CTIF: variants seen among roughly 807,000 people sequenced by gnomAD.
The protein encoded by CTIF is CBP80/20-dependent translation initiation factor.
In CTIF, 21 loss-of-function variants were observed where a neutral mutation model predicts 66.0. The ratio of observed to expected loss-of-function variants is 0.32; its 90% CI spans 0.23 to 0.46. CTIF has a LOEUF of 0.46. Ranked by LOEUF, CTIF falls within the 20% of genes least tolerant of loss-of-function variation. The pLI, the probability that CTIF is intolerant of heterozygous loss-of-function variation, is 1.00. For missense variants in CTIF, 739 were observed against 812.7 expected (o/e 0.91, Z 1.10); for synonymous variants, 345 against 326.4 (o/e 1.06, Z -0.62).
chr18:48,561,729 C>T (rs532100021), intron 1 of CTIF, among the ~76,000 whole-genome samples: 1 of 152,202 alleles, frequency 6.6e-6, no homozygotes, highest in Non-Finnish European at 1.5e-5. Flanking sequence ...TTGACTACTT[C>T]TCTTTTCCTT....
chr18:48,653,024 AC>A (rs569725713), intron 3 of CTIF, among the ~76,000 whole-genome samples: 169 of 152,350 alleles, frequency 1.1e-3, no homozygotes, highest in Non-Finnish European at 2.0e-3. Flanking sequence ...CCAATATCAT[AC>A]TGAATGGGCA....
intron 7 of CTIF, among the ~76,000 whole-genome samples, chr18:48,724,760 A>G (rs1367252196): frequency 6.6e-6 from 1 of 152,192 alleles, no homozygotes; most frequent in East Asian, 1.9e-4. Flanking sequence ...CATCCAGCAC[A>G]CACATTCATT....
chr18:48,649,433 A>G (rs868126096), intron 3 of CTIF, among the ~76,000 whole-genome samples: 1 of 152,348 alleles, frequency 6.6e-6, no homozygotes, highest in South Asian at 2.1e-4. Context: ...TTGAGTAGGT[A>G]AACAGAGCAG....
rs532932769 is a variant in CTIF at position 48,773,535 on chromosome 18, G to A, written c.1371+11846G>A. 7.9e-5 allele frequency among the ~76,000 whole-genome samples: 12 copies of A among 152,366 alleles called. No individual in the cohort carries two copies. The East Asian group carries it at 1.3e-3, about 17-fold the overall frequency. On this transcript the variant is annotated intron_variant, in intron 9 of 11. Coordinates refer to ENST00000256413, the MANE Select transcript of CTIF (RefSeq NM_014772.3). ...CCATGGGGAACTGTGCTCCCCTAGC[G>A]CTGGTCCCCTTCCTTCAGTAAGTGC...
chr18:48,738,211 T>A (rs975053421), intron 7 of CTIF, among the ~76,000 whole-genome samples: 1 of 152,152 alleles, frequency 6.6e-6, no homozygotes, highest in Non-Finnish European at 1.5e-5. Context: ...TCAAAGCAGA[T>A]CCAGGATCTC....
At chr18:48,565,078 T>C (rs2089249437) in intron 1 of CTIF, 1 of 144,822 alleles carries the variant, frequency 6.9e-6, no homozygotes, top group Admixed American at 7.1e-5. Context: ...GGTTGATCCA[T>C]GGTCATGTTA....
intron 10 of CTIF, among the ~76,000 whole-genome samples, chr18:48,834,294 A>C (rs2068761522): frequency 6.6e-6 from 1 of 152,260 alleles, no homozygotes; most frequent in Non-Finnish European, 1.5e-5. Context: ...ACTGTGTGCC[A>C]ACGAAACCTT....
chr18:48,659,184 T>C (rs1258367774), intron 3 of CTIF, among the ~76,000 whole-genome samples: 4 of 152,102 alleles, frequency 2.6e-5, no homozygotes, highest in Non-Finnish European at 5.9e-5. Context: ...ATTCTTGATA[T>C]GCACTGCAGT....
At chr18:48,714,965 T>C (rs1459558044) in intron 7 of CTIF, among the ~76,000 whole-genome samples, 1 of 152,178 alleles carries the variant, frequency 6.6e-6, no homozygotes, top group Non-Finnish European at 1.5e-5. Context: ...AGGAAGGCTT[T>C]CAAGGTAAGT....
rs978237357 is a variant in CTIF, at chr18:48,862,052, A to ATTT, written c.*2501_*2503dup. On this transcript the variant is annotated 3_prime_UTR_variant, in exon 12 of 12. Transcript: ENST00000256413. ...GATATGGAAGGAAAACGTTAAGACT[A>ATTT]TTTTTTTTTTAAAGAAACAACAGTC... The ATTT allele has an allele frequency of 6.7e-6, 1 of 148,462 alleles. No individual in the cohort carries two copies. The highest frequency in any genetic ancestry group is 1.5e-5 in the Non-Finnish European group (1 of 67,032). 9.2% of individuals were successfully genotyped at this position (148,462 alleles called of 1,614,324 possible).
At chr18:48,679,663 C>G (rs1210846921) in intron 6 of CTIF, among the ~76,000 whole-genome samples, 1 of 152,234 alleles carries the variant, frequency 6.6e-6, no homozygotes, top group Admixed American at 6.5e-5. Context: ...AATCTTCCCC[C>G]TCTTTCATGG....
chr18:48,709,551 G>A (rs566868270), intron 6 of CTIF, among the ~76,000 whole-genome samples: 7 of 152,364 alleles, frequency 4.6e-5, no homozygotes, highest in South Asian at 2.1e-4. Flanking sequence ...CCTCAGAGCC[G>A]AGATCCTAGT....
In CTIF at chr18:48,595,094, A is replaced by C. The variant is rs191367566; in HGVS notation, c.-28-24444A>C. Among the ~76,000 whole-genome samples the C allele has an allele frequency of 3.9e-5, 6 of 152,362 alleles. No individual in the cohort carries two copies. In the East Asian group the frequency reaches 1.2e-3, roughly 29 times the overall value. ...AGCATCAAGTCACAATGAACAAAAGAATCAGCACTAAGCAGGCATGAGGAA... is the reference window on the plus strand; with the variant it reads ...AGCATCAAGTCACAATGAACAAAAGCATCAGCACTAAGCAGGCATGAGGAA... On this transcript the variant is annotated intron_variant, in intron 1 of 11. Coordinates refer to ENST00000256413, the MANE Select transcript of CTIF (RefSeq NM_014772.3).
intron 6 of CTIF, among the ~76,000 whole-genome samples, chr18:48,705,006 C>T (rs889583194): frequency 6.6e-6 from 1 of 152,204 alleles, no homozygotes; most frequent in Non-Finnish European, 1.5e-5. Flanking sequence ...ACCACCTCGG[C>T]TGGCAGGCAG....
chr18:48,572,083 C>T (rs1005807243), intron 1 of CTIF, among the ~76,000 whole-genome samples: 2 of 151,908 alleles, frequency 1.3e-5, no homozygotes, highest in Admixed American at 1.3e-4. Context: ...GTTCCTCCTC[C>T]TCCTCCTCCT....
chr18:48,626,655 T>TG (rs2090607961), intron 2 of CTIF, among the ~76,000 whole-genome samples: 1 of 129,504 alleles, frequency 7.7e-6, no homozygotes, highest in African/African-American at 3.4e-5. Context: ...GTTTTTTTTT[T>TG]GTTTTTTTTT....
intron 1 of CTIF, among the ~76,000 whole-genome samples, chr18:48,583,337 T>G (rs2089700341): frequency 6.6e-6 from 1 of 152,250 alleles, no homozygotes; most frequent in Non-Finnish European, 1.5e-5. Context: ...CAGAAAATGT[T>G]AATGAATGCC....
chr18:48,733,270 G>T (rs2092471651), intron 7 of CTIF, among the ~76,000 whole-genome samples: 1 of 152,098 alleles, frequency 6.6e-6, no homozygotes, highest in South Asian at 2.1e-4. Flanking sequence ...GGAGGGGGTG[G>T]GTGCTCAGAG....
chr18:48,827,210 C>G (rs1218461960), intron 10 of CTIF, among the ~76,000 whole-genome samples: 1 of 152,302 alleles, frequency 6.6e-6, no homozygotes, highest in African/African-American at 2.4e-5. Context: ...AACAAAGGAG[C>G]ATTCCTTTAT....
Sources: gnomAD v4.1 joint callset for allele counts (sites outside exome capture counted in the v4.1 genomes callset) on GRCh38, gnomAD v4.1.1 for gene constraint, MANE v1.5 for transcripts, NCBI Gene and HGNC (gene_info 2026-07-23, HGNC 2026-07-21) for gene names.